Variants in NOD1 observed in about 807,000 individuals in gnomAD.
The protein encoded by NOD1 is nucleotide binding oligomerization domain containing 1.
NOD1 carries 70 observed loss-of-function variants against 81.2 expected under a neutral mutation model. The ratio of observed to expected loss-of-function variants is 0.86; its 90% CI spans 0.71 to 1.05. The LOEUF (loss-of-function observed/expected upper bound fraction) is 1.05, where lower values mean the gene tolerates loss of function less well. Among genes scored for constraint, NOD1 ranks in the 50% least tolerant of loss-of-function variants. The pLI is 0.00. For synonymous variants in NOD1, 508 were observed against 526.9 expected (o/e 0.96, Z 0.49); for missense variants, 1,233 against 1,228.0 (o/e 1.00, Z -0.06).
At chr7:30,455,076 C>A in intron 5 of NOD1, 61 bp downstream of exon 5, 1 of 1,551,218 alleles carries the variant, frequency 6.4e-7, no homozygotes, top group South Asian at 1.1e-5. Flanking sequence ...CCAGCCATTA[C>A]CAAACCCCCC....
rs1786458402 is a variant in NOD1, at chr7:30,457,056, T to C, written c.-121-14A>G. ...TCTGCGCAGCCCCTGAAGAGATCAA[T>C]GACATCATCAGCAAAGCAAAAGCTA... On this transcript the variant is annotated splice_polypyrimidine_tract_variant and intron_variant, in intron 3 of 13. Coordinates refer to ENST00000222823, the MANE Select transcript of NOD1 (RefSeq NM_006092.4). The C allele has an allele frequency of 1.5e-6, 1 of 689,186 alleles. No individual in the cohort carries two copies. Among genetic ancestry groups the C allele is most frequent in the African/African-American group, 1.8e-5 (1 of 56,404 alleles). 42.7% of individuals were successfully genotyped at this position (689,186 alleles called of 1,614,324 possible).
chr7:30,474,609 G>A (rs1788589954), intron 1 of NOD1, among the ~76,000 whole-genome samples: 1 of 152,256 alleles, frequency 6.6e-6, no homozygotes, highest in Non-Finnish European at 1.5e-5. Context: ...CCTCGCATGA[G>A]AATCTGATGC....
chr7:30,450,793 A>G (rs747318742), intron 6 of NOD1, among the ~76,000 whole-genome samples: 4 of 152,192 alleles, frequency 2.6e-5, no homozygotes, highest in Non-Finnish European at 5.9e-5. Flanking sequence ...CAAGCTATTA[A>G]CTTCTCTGTG....
intron 1 of NOD1, chr7:30,460,592 C>T (rs534196059): frequency 3.0e-6 from 3 of 985,162 alleles, no homozygotes; most frequent in Non-Finnish European, 2.4e-6. Context: ...CAGGACACAC[C>T]GCAGAACAAA....
rs1784081053 is a variant in NOD1 at position 30,433,107 on chromosome 7, T to C, written c.2694A>G (p.Leu898=). 6 of 1,612,218 alleles carry C rather than the reference T, an allele frequency of 3.7e-6. No homozygotes were observed. Among genetic ancestry groups the C allele is most frequent in the Middle Eastern group, 1.6e-4 (1 of 6,084 alleles). The change falls in exon 12 of 14, where the codon TTA becomes TTG. Residue 898 remains leucine, a synonymous_variant. Transcript: ENST00000222823. ...LAEMLKVNQT[L]KHLWLIQNQI... ...GCTCTCTGAGTTACCATAAATGCTTTAACGTCTGGTTGACTTTCAACATTT... is the reference window on the plus strand; with the variant it reads ...GCTCTCTGAGTTACCATAAATGCTTCAACGTCTGGTTGACTTTCAACATTT...
chr7:30,451,531 C>A lies in NOD1; in HGVS notation c.1886G>T (p.Arg629Leu). The change falls in exon 6 of 14, where the codon CGG (arginine) becomes CTG (leucine). Residue 629 changes from arginine to leucine, a missense_variant. By Grantham distance (102) the Arg-to-Leu change is moderately radical. Coordinates refer to ENST00000222823, the MANE Select transcript of NOD1 (RefSeq NM_006092.4). This position sits in a 1 kb window ranked among gnomAD's most constrained non-coding sequence, Gnocchi z 4.2. ...ALWAHLFSSL[R>L]GYLKSLPRVQ... ...GCGGGGCAGGCTCTTCAGGTAGCCC[C>A]GCAGGCTGGAAAACAGGTGTGCCCA... The A allele has an allele frequency of 6.2e-7, 1 of 1,613,004 alleles. No homozygotes were observed. The highest frequency in any genetic ancestry group is 1.7e-5 in the Admixed American group (1 of 59,976).
At chr7:30,431,052 G>A (rs951669937) in intron 12 of NOD1, among the ~76,000 whole-genome samples, 2 of 152,200 alleles carry the variant, frequency 1.3e-5, no homozygotes, top group Non-Finnish European at 2.9e-5. Context: ...AGGCCAGGAA[G>A]GAGAGCACCT....
Position 30,437,569 on chromosome 7 carries a change from T to C in NOD1, c.2537+4A>G, listed in dbSNP as rs777755801. Reference sequence around the variant, plus strand: ...GCCCCTGGAGACAGCAGGGCCACAGTTACCTCAGGGTGGTCAAGCTGGGGT... The same window carrying C: ...GCCCCTGGAGACAGCAGGGCCACAGCTACCTCAGGGTGGTCAAGCTGGGGT... On this transcript the variant is annotated splice_donor_region_variant and intron_variant, in intron 10 of 13. Coordinates refer to ENST00000222823, the MANE Select transcript of NOD1 (RefSeq NM_006092.4). 2.7e-6 allele frequency: 4 copies of C among 1,498,122 alleles called. No homozygotes were observed. The highest frequency in any genetic ancestry group is 3.5e-6 in the Non-Finnish European group (4 of 1,134,706). 92.8% of individuals were successfully genotyped at this position (1,498,122 alleles called of 1,614,324 possible). A position where few individuals can be genotyped will look rare whatever the true frequency, so the allele number is the denominator to read the frequency against.
chr7:30,437,486 TAGG>T, intron 10 of NOD1, 84 bp downstream of exon 10: 2 of 796,358 alleles, frequency 2.5e-6, no homozygotes, highest in Middle Eastern at 3.9e-4. Context: ...CCTCTTCTAT[TAGG>T]AGCACGAATC....
At chr7:30,474,488 A>G (rs1788574683) in intron 1 of NOD1, among the ~76,000 whole-genome samples, 1 of 152,238 alleles carries the variant, frequency 6.6e-6, no homozygotes, top group Admixed American at 6.5e-5. Context: ...GTAGGGGCAC[A>G]GGGGAGATCG....
At chr7:30,474,230 T>G (rs1788545081) in intron 1 of NOD1, among the ~76,000 whole-genome samples, 1 of 152,242 alleles carries the variant, frequency 6.6e-6, no homozygotes, top group Non-Finnish European at 1.5e-5. Flanking sequence ...ATAATCTTTA[T>G]CATCATAATC....
In NOD1 at chr7:30,451,996, C is replaced by T; in HGVS notation, c.1421G>A (p.Ser474Asn). 6.2e-7 allele frequency: 1 copy of T among 1,613,556 alleles called. No homozygotes were observed. The highest frequency in any genetic ancestry group is 8.5e-7 in the Non-Finnish European group (1 of 1,179,996). ...GQVAHRGMEK[S>N]LFVFTQEEVQ... is the part of the protein sequence containing the mutation. The stretch of plus-strand genomic sequence containing the variant: ...CTCCTCCTGGGTGAAGACAAAGAGG[C>T]TCTTCTCCATGCCCCGGTGGGCCAC... The change falls in exon 6 of 14, where the codon AGC becomes AAC. Residue 474 changes from serine (S) to asparagine (N), a missense_variant. Ser to Asn is a conservative substitution (Grantham distance 46). Coordinates refer to ENST00000222823, the MANE Select transcript of NOD1 (RefSeq NM_006092.4). The surrounding 1 kb of genome is among the most constrained non-coding windows in gnomAD (Gnocchi z 4.2).
At chr7:30,473,024 G>A (rs770562689) in intron 1 of NOD1, among the ~76,000 whole-genome samples, 6 of 152,208 alleles carry the variant, frequency 3.9e-5, no homozygotes, top group Non-Finnish European at 5.9e-5. Context: ...GCCCCAAAGT[G>A]CCAGAAGGAA....
intron 1 of NOD1, among the ~76,000 whole-genome samples, chr7:30,461,966 C>T (rs1286828459): frequency 1.3e-5 from 2 of 152,130 alleles, no homozygotes; most frequent in Non-Finnish European, 2.9e-5. Context: ...TCTTGATCTC[C>T]TGACCTCGTG....
intron 13 of NOD1, among the ~76,000 whole-genome samples, chr7:30,426,492 G>A (rs558987484): frequency 6.6e-6 from 1 of 151,820 alleles, no homozygotes; most frequent in South Asian, 2.1e-4. Context: ...TCTCTTCCCT[G>A]CATCAGTACA....
At chr7:30,458,241 G>T (rs1215454836) in intron 3 of NOD1, among the ~76,000 whole-genome samples, 1 of 152,118 alleles carries the variant, frequency 6.6e-6, no homozygotes, top group East Asian at 1.9e-4. Context: ...AAATCCCACA[G>T]AAGATCCTTC....
chr7:30,473,085 C>G (rs1482231597), intron 1 of NOD1, among the ~76,000 whole-genome samples: 1 of 152,190 alleles, frequency 6.6e-6, no homozygotes, highest in Non-Finnish European at 1.5e-5. Flanking sequence ...GGGTAGGGGG[C>G]CAGCAGAGCA....
chr7:30,453,115 C>CA, intron 5 of NOD1, 75 bp from the exon 6 acceptor site: 1 of 1,501,058 alleles, frequency 6.7e-7, no homozygotes, highest in Non-Finnish European at 9.0e-7. Flanking sequence ...AGGGAGGTCT[C>CA]AAAGAGGAGA....
intron 9 of NOD1, among the ~76,000 whole-genome samples, chr7:30,437,986 C>T (rs1180813814): frequency 2.0e-5 from 3 of 152,256 alleles, no homozygotes; most frequent in Non-Finnish European, 2.9e-5. Flanking sequence ...AGAGAAAGCA[C>T]CTGCATGTCT....
Sources: gnomAD v4.1 joint callset for allele counts (sites outside exome capture counted in the v4.1 genomes callset) on GRCh38, gnomAD v4.1.1 for gene constraint, Gnocchi (gnomAD v3.1) non-coding constraint, MANE v1.5 for transcripts, NCBI Gene and HGNC (gene_info 2026-07-23, HGNC 2026-07-21) for gene names.